The following NBEA variants were observed in gnomAD, a reference collection of about 807,000 sequenced individuals.
The protein encoded by NBEA is neurobeachin, also known as lysosomal-trafficking regulator 2.
In NBEA, 44 loss-of-function variants were observed where a neutral mutation model predicts 343.4. The ratio of observed to expected loss-of-function variants is 0.13; its 90% CI spans 0.10 to 0.16. NBEA has a LOEUF of 0.16. Ranked by LOEUF, NBEA falls within the 10% of genes least tolerant of loss-of-function variation. NBEA has a pLI of 1.00. For synonymous variants in NBEA, 1,175 were observed against 1,238.7 expected, an observed-to-expected ratio of 0.95 and a Z score of 1.08; for missense variants, 2,555 against 3,631.3, an observed-to-expected ratio of 0.70 and a Z score of 7.62.
chr13:35,251,435 T>C, intron 34 of NBEA: 1 of 1,055,692 alleles, frequency 9.5e-7, no homozygotes, highest in African/African-American at 1.7e-5. Flanking sequence ...TGGCTCACTT[T>C]GATGCTGGAG....
At chr13:35,184,694 T>C (rs2071564954) in intron 30 of NBEA, among the ~76,000 whole-genome samples, 1 of 152,000 alleles carries the variant, frequency 6.6e-6, no homozygotes, top group South Asian at 2.1e-4. Flanking sequence ...TTCAAGATGT[T>C]TTTCAATGTA....
chr13:35,320,977 A>G (rs915681495), intron 36 of NBEA, among the ~76,000 whole-genome samples: 11 of 151,970 alleles, frequency 7.2e-5, no homozygotes, highest in African/African-American at 2.4e-4. Flanking sequence ...CGGTTATTCT[A>G]GTTAGCAATT....
intron 41 of NBEA, among the ~76,000 whole-genome samples, chr13:35,547,471 G>C (rs1052238254): frequency 2.6e-5 from 4 of 152,196 alleles, no homozygotes; most frequent in South Asian, 2.1e-4. Flanking sequence ...TATTAGCTGG[G>C]ATCCAGTCAG....
rs758588086 is a variant in NBEA, at chr13:35,232,662, A to G, written c.5776+43A>G. 12 of 1,349,840 alleles carry G rather than the reference A, an allele frequency of 8.9e-6. No individual in the cohort carries two copies. In the South Asian group the frequency reaches 9.8e-5, roughly 11 times the overall value. 83.6% of individuals were successfully genotyped at this position (1,349,840 alleles called of 1,614,324 possible). Reference sequence around the variant, plus strand: ...TAATTATTTTAGTTTCCTATAATGTATGTATTAATCATGGCATAATTTGTG... The same window carrying G: ...TAATTATTTTAGTTTCCTATAATGTGTGTATTAATCATGGCATAATTTGTG... On this transcript the variant is annotated intron_variant, in intron 34 of 58. Coordinates refer to ENST00000379939, the MANE Select transcript of NBEA (RefSeq NM_001385012.1).
intron 34 of NBEA, among the ~76,000 whole-genome samples, chr13:35,289,518 T>C (rs1476857868): frequency 6.6e-6 from 1 of 151,898 alleles, no homozygotes. Context: ...CTTTCTTATA[T>C]ACATCGTTAT....
At chr13:35,315,247 A>C (rs577513998) in intron 36 of NBEA, among the ~76,000 whole-genome samples, 2 of 152,296 alleles carry the variant, frequency 1.3e-5, no homozygotes, top group South Asian at 4.1e-4. Flanking sequence ...TTTGAATACA[A>C]TTCATCAATC....
chr13:35,241,798 G>A (rs936259062), intron 34 of NBEA, among the ~76,000 whole-genome samples: 8 of 151,832 alleles, frequency 5.3e-5, no homozygotes, highest in Admixed American at 3.9e-4. Context: ...TACTCAAAAC[G>A]TTAGGAAATC....
chr13:35,494,336 C>T (rs2076600645), intron 41 of NBEA, among the ~76,000 whole-genome samples: 1 of 151,896 alleles, frequency 6.6e-6, no homozygotes, highest in Admixed American at 6.6e-5. Flanking sequence ...GTGATTAAGA[C>T]TTAAGGGAAA....
At chr13:35,604,269 C>T (rs2082188635) in intron 47 of NBEA, among the ~76,000 whole-genome samples, 1 of 152,148 alleles carries the variant, frequency 6.6e-6, no homozygotes, top group South Asian at 2.1e-4. Context: ...TTCTCCATTT[C>T]CCCGTTCATA....
chr13:35,078,564 A>G (rs755800133), intron 10 of NBEA, among the ~76,000 whole-genome samples: 8 of 152,182 alleles, frequency 5.3e-5, no homozygotes, highest in Non-Finnish European at 2.9e-5. Flanking sequence ...CCCAACTTCA[A>G]TGAGGGGATT....
chr13:35,452,346 A>G (rs976379128), intron 40 of NBEA, 111 bp downstream of exon 40: 3 of 744,676 alleles, frequency 4.0e-6, no homozygotes, highest in Non-Finnish European at 6.7e-6. Flanking sequence ...AACAATGCTC[A>G]ATCACATGAA....
At chr13:35,443,441 T>G (rs2152938725) in intron 39 of NBEA, among the ~76,000 whole-genome samples, 1 of 152,128 alleles carries the variant, frequency 6.6e-6, no homozygotes, top group East Asian at 1.9e-4. Flanking sequence ...ATATCTATTT[T>G]GGATTATTCA....
At chr13:35,519,090 C>G (rs2077596934) in intron 41 of NBEA, among the ~76,000 whole-genome samples, 3 of 152,290 alleles carry the variant, frequency 2.0e-5, no homozygotes, top group Middle Eastern at 3.4e-3. Context: ...CTCAGACTGC[C>G]TCTTATGCCT....
At chr13:35,175,998 G>A (rs985923978) in intron 27 of NBEA, among the ~76,000 whole-genome samples, 4 of 152,018 alleles carry the variant, frequency 2.6e-5, no homozygotes, top group South Asian at 2.1e-4. Context: ...CATTTATGCT[G>A]TAAATTATGT....
chr13:35,242,434 A>G (rs1181623619), intron 34 of NBEA, among the ~76,000 whole-genome samples: 2 of 151,856 alleles, frequency 1.3e-5, no homozygotes, highest in Non-Finnish European at 3.0e-5. Flanking sequence ...ACAGACTAAC[A>G]TAGGTATTAT....
chr13:35,438,695 G>A (rs2045573967), intron 39 of NBEA, among the ~76,000 whole-genome samples: 1 of 152,138 alleles, frequency 6.6e-6, no homozygotes, highest in Admixed American at 6.5e-5. Flanking sequence ...TAAATTTTTA[G>A]AAAGAGAGAG....
chr13:34,992,182 A>ATG (rs1237369653), intron 1 of NBEA, among the ~76,000 whole-genome samples: 3 of 144,148 alleles, frequency 2.1e-5, no homozygotes, highest in Admixed American at 7.0e-5. Flanking sequence ...GTGTGTGTAT[A>ATG]TGTGTGTGTA....
At chr13:35,104,208 C>T (rs1300556544) in intron 11 of NBEA, among the ~76,000 whole-genome samples, 1 of 151,874 alleles carries the variant, frequency 6.6e-6, no homozygotes, top group Non-Finnish European at 1.5e-5. Flanking sequence ...ATGCTTCATT[C>T]AGGATTTTGC....
chr13:35,440,108 G>A (rs1225725352), intron 39 of NBEA, among the ~76,000 whole-genome samples: 1 of 152,172 alleles, frequency 6.6e-6, no homozygotes, highest in Non-Finnish European at 1.5e-5. Context: ...TCGAACTCTT[G>A]ACCTTAGGTG....
Sources: allele counts gnomAD v4.1 joint callset (sites outside exome capture counted in the v4.1 genomes callset), GRCh38; gene constraint gnomAD v4.1.1; transcripts MANE v1.5; gene names NCBI Gene and HGNC (gene_info 2026-07-23, HGNC 2026-07-21).